The following NPC1L1 variants were observed in gnomAD, a reference collection of about 807,000 sequenced individuals.
The protein encoded by NPC1L1 is NPC1 like intracellular cholesterol transporter 1.
In NPC1L1, 98 loss-of-function variants were observed where a neutral mutation model predicts 117.0. The observed-to-expected ratio is 0.84, with a 90% CI of 0.71 to 0.99. The LOEUF is 0.99. Among genes scored for constraint, NPC1L1 ranks in the 50% least tolerant of loss-of-function variants. The pLI is 0.00. For missense variants in NPC1L1, 1,540 were observed against 1,710.0 expected (o/e 0.90, Z 1.75); for synonymous variants, 729 against 727.6 (o/e 1.00, Z -0.03).
At chr7:44,518,937 T>C (rs1801273410) in intron 14 of NPC1L1, among the ~76,000 whole-genome samples, 1 of 152,010 alleles carries the variant, frequency 6.6e-6, no homozygotes, top group Non-Finnish European at 1.5e-5. Flanking sequence ...TTCTTCTTTT[T>C]CTTTCTTTCT....
chr7:44,533,584 G>C, intron 7 of NPC1L1, 26 bp from the exon 8 acceptor site: 1 of 1,614,060 alleles, frequency 6.2e-7, no homozygotes, highest in Non-Finnish European at 8.5e-7. Context: ...GGGCTGTCAG[G>C]GCACCCTGGC....
At chr7:44,537,242 C>T (rs1049541898) in intron 2 of NPC1L1, among the ~76,000 whole-genome samples, 4 of 152,226 alleles carry the variant, frequency 2.6e-5, no homozygotes, top group African/African-American at 9.6e-5. Flanking sequence ...TGCTCCGGGA[C>T]CTGTCCCTCT....
intron 10 of NPC1L1, among the ~76,000 whole-genome samples, chr7:44,529,110 AAC>A (rs59108479): frequency 0.012 from 1,491 of 122,944 alleles, 25 homozygotes; most frequent in African/African-American, 0.038. Context: ...GAATGAATTA[AAC>A]ACACACACAC....
chr7:44,516,635 T>C (rs985711697), intron 16 of NPC1L1, 68 bp downstream of exon 16: 1 of 1,231,702 alleles, frequency 8.1e-7, no homozygotes, highest in East Asian at 2.5e-5. Context: ...GAACTAGGAG[T>C]ATTCTATGAG....
At position 44,536,021 on chromosome 7, in the gene NPC1L1, C is replaced by T; in HGVS notation, c.1855-53G>A. 6.2e-7 allele frequency: 1 copy of T among 1,611,886 alleles called. No homozygotes were observed. The highest frequency in any genetic ancestry group is 8.5e-7 in the Non-Finnish European group (1 of 1,179,786). The stretch of plus-strand genomic sequence containing the variant: ...ACTGACCGTGCCTGCTTCAGCCAGG[C>T]CAGCTCTCAATAGCTCGGTCACTGG... On this transcript the variant is annotated intron_variant, in intron 4 of 18. Transcript: ENST00000381160. This position sits in a 1 kb window ranked among gnomAD's most constrained non-coding sequence, Gnocchi z 4.7.
In NPC1L1 at chr7:44,536,392, G is replaced by T. The variant is rs199844547; in HGVS notation, c.1718C>A (p.Thr573Lys). ...GGCAGGGTAATTGTTGAGGGAGAAC[G>T]TCATGATCAGGGCCTCTGCCTCAGA... ...DYSEAEALIM[T>K]FSLNNYPAGD... is the part of the protein sequence containing the mutation. The change falls in exon 4 of 19, where the codon ACG becomes AAG. Residue 573 changes from threonine to lysine, a missense_variant. Coordinates refer to ENST00000381160, the MANE Select transcript of NPC1L1 (RefSeq NM_001101648.2). The surrounding 1 kb of genome is among the most constrained non-coding windows in gnomAD (Gnocchi z 4.7). 1.9e-6 allele frequency: 3 copies of T among 1,613,912 alleles called. No individual in the cohort carries two copies. The Admixed American group carries it at 5.0e-5, about 27-fold the overall frequency.
rs1021960804 is a variant in NPC1L1, at chr7:44,536,554, C to A, written c.1682-126G>T. 13 of 1,078,572 alleles carry A rather than the reference C, an allele frequency of 1.2e-5. No individual in the cohort carries two copies. The highest frequency in any genetic ancestry group is 3.8e-5 in the Admixed American group (2 of 53,146). 66.8% of individuals were successfully genotyped at this position (1,078,572 alleles called of 1,614,324 possible). On this transcript the variant is annotated intron_variant, in intron 3 of 18. Transcript: ENST00000381160. The surrounding 1 kb of genome is among the most constrained non-coding windows in gnomAD (Gnocchi z 4.7). The stretch of plus-strand genomic sequence containing the variant: ...CCATCACCCCTTGCTCCTTCTCCCC[C>A]ACTCCTTCCTCATCTGATACATGGC...
Position 44,540,028 on chromosome 7 carries a change from C to A in NPC1L1, c.369G>T (p.Leu123=), listed in dbSNP as rs747897843. The change falls in exon 2 of 19, where the codon CTG becomes CTT. Residue 123 remains leucine (L), a synonymous_variant. Coordinates refer to ENST00000381160, the MANE Select transcript of NPC1L1 (RefSeq NM_001101648.2). ...TGGGGCTGCACGTGTTGTGGCAGTGCAGGTTCACAAAATTGTCAGAGCAGG... is the reference window on the plus strand; with the variant it reads ...TGGGGCTGCACGTGTTGTGGCAGTGAAGGTTCACAAAATTGTCAGAGCAGG... The part of the protein sequence containing the change: ...CPACSDNFVN[L]HCHNTCSPNQ... 28 of 1,614,190 alleles carry A rather than the reference C, an allele frequency of 1.7e-5. No individual in the cohort carries two copies. The highest frequency in any genetic ancestry group is 2.3e-5 in the Non-Finnish European group (27 of 1,180,036).
intron 12 of NPC1L1, 121 bp downstream of exon 12, chr7:44,521,591 C>T (rs1424627852): frequency 3.3e-6 from 5 of 1,504,576 alleles, no homozygotes; most frequent in Non-Finnish European, 4.6e-6. Flanking sequence ...CACCCATGCC[C>T]CCGACAGACC....
Position 44,515,952 on chromosome 7 carries a change from AC to A in NPC1L1, c.3646del (p.Val1216TrpfsTer3), listed in dbSNP as rs1366137680. 1 of 1,613,968 alleles carries A rather than the reference AC, an allele frequency of 6.2e-7. No individual in the cohort carries two copies. Reference protein sequence around the residue: ...ISMGSAVFAGVAMTNLPGILV... With the variant: ...ISMGSAVFAGXAMTNLPGILV... ...GATGCCAGGCAGGTTGGTCATGGCC[AC>A]ACCTGCAAACACCTGGGGGGTTCAG... On this transcript the variant is annotated frameshift_variant, in exon 18 of 19. Coordinates refer to ENST00000381160, the MANE Select transcript of NPC1L1 (RefSeq NM_001101648.2). LOFTEE classifies it high-confidence loss of function.
chr7:44,532,330 C>A, intron 8 of NPC1L1, 113 bp from the exon 9 acceptor site: 2 of 1,179,286 alleles, frequency 1.7e-6, no homozygotes, highest in Non-Finnish European at 1.2e-6. Flanking sequence ...CCAGTGCCCT[C>A]ATGGAGACAT....
rs1428867187 is a variant in NPC1L1, at chr7:44,516,807, G to T, written c.3415C>A (p.Leu1139Ile). 1 of 1,614,110 alleles carries T rather than the reference G, an allele frequency of 6.2e-7. No homozygotes were observed. The highest frequency in any genetic ancestry group is 8.5e-7 in the Non-Finnish European group (1 of 1,180,018). The change falls in exon 16 of 19, where the codon CTC becomes ATC. Residue 1139 changes from leucine to isoleucine, a missense_variant. Leu to Ile is a conservative substitution (Grantham distance 5). Coordinates refer to ENST00000381160, the MANE Select transcript of NPC1L1 (RefSeq NM_001101648.2). ...ATGACAATGGAGAGCAGGTTGAGGA[G>T]GCCGGAGCGCAGGTCCAGGCCCAGC... ...LLLGLDLRSG[L>I]LNLLSIVMIL...
rs1380960877 is a variant in NPC1L1 at position 44,519,812 on chromosome 7, C to CT, written c.3136+952dup. On this transcript the variant is annotated intron_variant, in intron 14 of 18. Coordinates refer to ENST00000381160, the MANE Select transcript of NPC1L1 (RefSeq NM_001101648.2). ...CATCTCTCTTGTTACTTTTTTCTTTCTTTTTTTTTTTGAGAGAGGGTCTCA... is the reference window on the plus strand; with the variant it reads ...CATCTCTCTTGTTACTTTTTTCTTTCTTTTTTTTTTTTGAGAGAGGGTCTCA... Among the ~76,000 whole-genome samples the CT allele has an allele frequency of 1.5e-3, 226 of 146,736 alleles. 2 individuals carry two copies. The East Asian group carries it at 0.029, about 19-fold the overall frequency.
Position 44,513,469 on chromosome 7 carries a change from G to A in NPC1L1, c.3977C>T (p.Pro1326Leu), listed in dbSNP as rs1439232307. Reference protein sequence around the residue: ...KGAGAISNFLPNNGRQF With the variant: ...KGAGAISNFLLNNGRQF ...GTATCAGAACTGCCGCCCATTGTTG[G>A]GCAAGAAGTTGCTGATGGCACCAGC... The change falls in exon 19 of 19, where the codon CCC becomes CTC. Residue 1326 changes from proline (P) to leucine (L), a missense_variant. Around this residue, in one of 3 missense-constraint regions of NPC1L1, gnomAD observed 742 missense variants for 873.6 expected, o/e 0.85. Coordinates refer to ENST00000381160, the MANE Select transcript of NPC1L1 (RefSeq NM_001101648.2). 2.5e-6 allele frequency: 4 copies of A among 1,614,082 alleles called. No homozygotes were observed. The highest frequency in any genetic ancestry group is 1.6e-4 in the Middle Eastern group (1 of 6,078).
At chr7:44,521,141 G>A (rs1360054444) in intron 12 of NPC1L1, 23 bp from the exon 13 acceptor site, 4 of 1,613,852 alleles carry the variant, frequency 2.5e-6, no homozygotes, top group Non-Finnish European at 3.4e-6. Context: ...CAGGGGTCTG[G>A]GCAGTGACAC....
rs752966973 is a variant in NPC1L1 at position 44,539,996 on chromosome 7, C to T, written c.401G>A (p.Ser134Asn). The change falls in exon 2 of 19, where the codon AGC becomes AAC. Residue 134 changes from serine to asparagine, a missense_variant. Physicochemically the swap from Ser to Asn is conservative, Grantham distance 46. Coordinates refer to ENST00000381160, the MANE Select transcript of NPC1L1 (RefSeq NM_001101648.2). This position sits in a 1 kb window ranked among gnomAD's most constrained non-coding sequence, Gnocchi z 4.4. Reference protein sequence around the residue: ...HCHNTCSPNQSLFINVTRVAQ... With the variant: ...HCHNTCSPNQNLFINVTRVAQ... ...CACGCGGGTCACATTGATGAAGAGGCTCTGATTGGGGCTGCACGTGTTGTG... is the reference window on the plus strand; with the variant it reads ...CACGCGGGTCACATTGATGAAGAGGTTCTGATTGGGGCTGCACGTGTTGTG... The T allele has an allele frequency of 3.1e-6, 5 of 1,614,232 alleles. No individual in the cohort carries two copies. In the East Asian group the frequency reaches 1.1e-4, roughly 36 times the overall value.
chr7:44,535,724 G>T, intron 5 of NPC1L1, 116 bp downstream of exon 5: 3 of 1,426,442 alleles, frequency 2.1e-6, no homozygotes, highest in African/African-American at 1.4e-5. Context: ...GCAGCCACTT[G>T]GGTGTGTCCA....
chr7:44,520,899 G>T, intron 13 of NPC1L1, 79 bp from the exon 14 acceptor site: 2 of 1,611,242 alleles, frequency 1.2e-6, no homozygotes, highest in South Asian at 2.2e-5. Flanking sequence ...CCCCAGAGAG[G>T]CCCCTGATAG....
At chr7:44,523,142 G>A (rs777745012) in intron 10 of NPC1L1, among the ~76,000 whole-genome samples, 3 of 152,108 alleles carry the variant, frequency 2.0e-5, no homozygotes, top group Non-Finnish European at 2.9e-5. Context: ...TGCAACCTCC[G>A]CCTCCTGGGT....
Sources: allele counts gnomAD v4.1 joint callset (sites outside exome capture counted in the v4.1 genomes callset), GRCh38; gene constraint gnomAD v4.1.1; regional missense constraint gnomAD v4.1.1; non-coding constraint Gnocchi (gnomAD v3.1); transcripts MANE v1.5; gene names NCBI Gene and HGNC (gene_info 2026-07-23, HGNC 2026-07-21).